The following NDST3 variants were observed in gnomAD, a reference collection of about 807,000 sequenced individuals.
NDST3 encodes the protein N-deacetylase and N-sulfotransferase 3.
In NDST3, 58 loss-of-function variants were observed where a neutral mutation model predicts 96.1. The observed-to-expected ratio is 0.60, with a 90% CI of 0.49 to 0.75. The LOEUF is 0.75. Ranked by LOEUF, NDST3 falls within the 30% of genes least tolerant of loss-of-function variation. The probability of loss-of-function intolerance (pLI) is 0.00; values close to 1 mark genes in which losing one functional copy is unlikely to be tolerated. For synonymous variants in NDST3, 333 were observed against 359.7 expected, an observed-to-expected ratio of 0.93 and a Z score of 0.84; for missense variants, 788 against 1,034.2, an observed-to-expected ratio of 0.76 and a Z score of 3.27.
intron 3 of NDST3, among the ~76,000 whole-genome samples, chr4:118,110,550 A>T (rs796623199): frequency 5.3e-5 from 8 of 152,370 alleles, no homozygotes; most frequent in African/African-American, 1.9e-4. Flanking sequence ...TTGACATAAC[A>T]ACACAACATA....
chr4:118,055,115 C>A, intron 2 of NDST3: 1 of 587,118 alleles, frequency 1.7e-6, no homozygotes, highest in Non-Finnish European at 3.0e-6. Context: ...GTGGCAGGAT[C>A]CTGAAATGGT....
chr4:118,247,923 A>G (rs1012287387), intron 12 of NDST3, among the ~76,000 whole-genome samples: 4 of 152,216 alleles, frequency 2.6e-5, no homozygotes, highest in African/African-American at 9.6e-5. Flanking sequence ...GCTATTTTCA[A>G]TTCAGTATTC....
rs748397881 is a variant in NDST3 at position 118,138,059 on chromosome 4, C to T, written c.1230C>T (p.His410=). ...MILNKKFALE[H]GIPTDMGYAV... is the part of the protein sequence containing the mutation. ...TAACATTTGCTTGGTCTTAGGAGCACGGCATTCCAACGGACATGGGCTACG... is the reference window on the plus strand; with the variant it reads ...TAACATTTGCTTGGTCTTAGGAGCATGGCATTCCAACGGACATGGGCTACG... Residue 410 remains histidine, a synonymous_variant, in exon 5 of 14, where the codon CAC becomes CAT. Coordinates refer to ENST00000296499, the MANE Select transcript of NDST3 (RefSeq NM_004784.3). 2.4e-5 allele frequency: 38 copies of T among 1,604,966 alleles called. No individual in the cohort carries two copies. Among genetic ancestry groups the T allele is most frequent in the Non-Finnish European group, 2.9e-5 (34 of 1,176,292 alleles).
intron 4 of NDST3, among the ~76,000 whole-genome samples, chr4:118,126,521 T>TATATATATATATACAC (rs146307017): frequency 6.2e-5 from 7 of 112,802 alleles, no homozygotes; most frequent in African/African-American, 3.4e-4. Flanking sequence ...TGTGTATATA[T>TATATATATATATACAC]ATATATATAT....
In NDST3 at chr4:118,208,427, A is replaced by G. The variant is rs1272582666; in HGVS notation, c.1540-16064A>G. Among the ~76,000 whole-genome samples the G allele has an allele frequency of 1.4e-5, 2 of 143,952 alleles. 1 individual carries two copies. The highest frequency in any genetic ancestry group is 3.1e-5 in the Non-Finnish European group (2 of 64,998). 94.4% of individuals were successfully genotyped at this position (143,952 alleles called of 152,430 possible). ...TGCCTTTCTAGGTATTTTGCTTTTA[A>G]TTAAGTCTTTATACAGTACCTTAGC... On this transcript the variant is annotated intron_variant, in intron 6 of 13. Coordinates refer to ENST00000296499, the MANE Select transcript of NDST3 (RefSeq NM_004784.3).
At chr4:118,053,002 T>C (rs1279765792) in intron 1 of NDST3, among the ~76,000 whole-genome samples, 1 of 151,920 alleles carries the variant, frequency 6.6e-6, no homozygotes, top group Non-Finnish European at 1.5e-5. Context: ...AAAGCGGAAA[T>C]AGAATGGTAT....
intron 1 of NDST3, among the ~76,000 whole-genome samples, chr4:118,049,060 T>C (rs978281391): frequency 1.4e-4 from 22 of 152,014 alleles, no homozygotes; most frequent in African/African-American, 5.1e-4. Context: ...AAAATCAATA[T>C]CAAGAAGGTC....
chr4:118,243,932 G>C (rs899648619), intron 12 of NDST3, among the ~76,000 whole-genome samples: 4 of 152,158 alleles, frequency 2.6e-5, no homozygotes, highest in African/African-American at 9.7e-5. Flanking sequence ...ACCGTAGTCC[G>C]TTTGCACCTG....
chr4:118,069,539 C>A (rs1361871406), intron 2 of NDST3, among the ~76,000 whole-genome samples: 2 of 151,800 alleles, frequency 1.3e-5, no homozygotes, highest in Non-Finnish European at 2.9e-5. Context: ...TATAAACAAT[C>A]CACGCACTTT....
intron 2 of NDST3, among the ~76,000 whole-genome samples, chr4:118,066,461 CATT>C (rs1726502475): frequency 7.7e-3 from 9 of 1,166 alleles, no homozygotes; most frequent in East Asian, 0.031. Flanking sequence ...ATTATATATA[CATT>C]ATATATGTTA....
At chr4:118,209,802 A>T (rs1318300241) in intron 6 of NDST3, among the ~76,000 whole-genome samples, 4 of 152,108 alleles carry the variant, frequency 2.6e-5, no homozygotes, top group Non-Finnish European at 4.4e-5. Flanking sequence ...AATGTTAAGA[A>T]CCCTTTGCCA....
chr4:118,052,411 C>A (rs144781033), intron 1 of NDST3, among the ~76,000 whole-genome samples: 204 of 152,012 alleles, frequency 1.3e-3, no homozygotes, highest in African/African-American at 4.7e-3. Context: ...AGGACATACA[C>A]GGTGGAAAAA....
At chr4:118,159,680 G>A (rs1734958486) in intron 6 of NDST3, among the ~76,000 whole-genome samples, 1 of 152,062 alleles carries the variant, frequency 6.6e-6, no homozygotes, top group Non-Finnish European at 1.5e-5. Context: ...GAGAAAAATG[G>A]ATGAACAAAG....
chr4:118,250,491 T>C (rs1260994840), intron 12 of NDST3, among the ~76,000 whole-genome samples: 2 of 152,054 alleles, frequency 1.3e-5, no homozygotes, highest in Non-Finnish European at 2.9e-5. Context: ...TCCAATCTTT[T>C]TTTTTTTTTT....
intron 6 of NDST3, among the ~76,000 whole-genome samples, chr4:118,184,947 T>C (rs1254371653): frequency 6.6e-6 from 1 of 152,116 alleles, no homozygotes; most frequent in African/African-American, 2.4e-5. Flanking sequence ...CCTACTCAAC[T>C]GGCAAATAAA....
chr4:118,204,320 C>A (rs1738300455), intron 6 of NDST3, among the ~76,000 whole-genome samples: 1 of 105,566 alleles, frequency 9.5e-6, no homozygotes, highest in African/African-American at 3.5e-5. Context: ...ACAAATTAAA[C>A]TTCACAGAGT....
rs143370564 is a variant in NDST3, at chr4:118,103,099, TTGTAAA to T, written c.982-1914_982-1909del. The stretch of plus-strand genomic sequence containing the variant: ...TATATATAGTTTTTCTTATCAAGTT[TTGTAAA>T]TGTACATTAAAAATGCAATCAAGGA... On this transcript the variant is annotated intron_variant, in intron 2 of 13. Coordinates refer to ENST00000296499, the MANE Select transcript of NDST3 (RefSeq NM_004784.3). 2.7e-3 allele frequency among the ~76,000 whole-genome samples: 409 copies of T among 152,212 alleles called. 3 individuals are homozygous for T. The highest frequency in any genetic ancestry group is 9.2e-3 in the African/African-American group (381 of 41,568).
chr4:118,034,339 C>T (rs1170116346), upstream of NDST3: 1 of 152,188 alleles, frequency 6.6e-6, no homozygotes, highest in Admixed American at 6.5e-5. Context: ...CGAAGTGGTA[C>T]CAAAGCCGGT....
At chr4:118,193,532 C>A in intron 6 of NDST3, 1 of 981,228 alleles carries the variant, frequency 1.0e-6, no homozygotes, top group South Asian at 1.3e-5. Context: ...CTCAGCCAGC[C>A]TCTCAAACGT....
Sources: allele counts gnomAD v4.1 joint callset (sites outside exome capture counted in the v4.1 genomes callset), GRCh38; gene constraint gnomAD v4.1.1; transcripts MANE v1.5; gene names NCBI Gene and HGNC (gene_info 2026-07-23, HGNC 2026-07-21).